The following RC3H1 variants were observed in gnomAD, a reference collection of about 807,000 sequenced individuals.
The protein encoded by RC3H1 is roquin-1.
In RC3H1, 50 loss-of-function variants were observed where a neutral mutation model predicts 138.2. The ratio of observed to expected loss-of-function variants is 0.36; its 90% CI spans 0.29 to 0.46. The LOEUF (loss-of-function observed/expected upper bound fraction) is 0.46, where lower values mean the gene tolerates loss of function less well. Ranked by LOEUF, RC3H1 falls within the 20% of genes least tolerant of loss-of-function variation. The probability of loss-of-function intolerance (pLI) is 1.00; values close to 1 mark genes in which losing one functional copy is unlikely to be tolerated. For synonymous variants in RC3H1, 462 were observed against 489.1 expected, an observed-to-expected ratio of 0.94 and a Z score of 0.73; for missense variants, 1,031 against 1,388.1, an observed-to-expected ratio of 0.74 and a Z score of 4.09.
chr1:173,992,140 A>T (rs1571231947), intron 2 of RC3H1, among the ~76,000 whole-genome samples: 1 of 152,020 alleles, frequency 6.6e-6, no homozygotes, highest in African/African-American at 2.4e-5. Context: ...CTTATGACTT[A>T]CCTCTTAGGT....
intron 13 of RC3H1, among the ~76,000 whole-genome samples, chr1:173,956,332 AAAT>A (rs1165658568): frequency 6.6e-6 from 1 of 152,144 alleles, no homozygotes; most frequent in Non-Finnish European, 1.5e-5. Context: ...TTCCCAAAAT[AAAT>A]AAAAGATAAA....
chr1:174,015,359 T>C (rs1346885606), intron 1 of RC3H1, among the ~76,000 whole-genome samples: 4 of 150,350 alleles, frequency 2.7e-5, no homozygotes, highest in Non-Finnish European at 5.9e-5. Context: ...TCAAAAGTTT[T>C]CCACTACACT....
At chr1:173,970,454 G>A (rs776759177) in intron 9 of RC3H1, 51 bp downstream of exon 9, 21 of 1,179,408 alleles carry the variant, frequency 1.8e-5, no homozygotes, top group East Asian at 9.4e-5. Flanking sequence ...GTATGTCAGC[G>A]AATTATTCCA....
chr1:173,978,510 T>C lies in RC3H1; in HGVS notation c.1080A>G (p.Leu360=). Residue 360 remains leucine, a synonymous_variant, in exon 7 of 20, where the codon TTA becomes TTG. Transcript: ENST00000367696. ...LNRLRPHLEL[L]ANIDPSPDAP... is the part of the protein sequence containing the mutation. ...TACCTGGACTAGGGTCAATGTTTGC[T>C]AACAGCTCCAAATGGGGTCTTAGTC... 2 of 1,614,078 alleles carry C rather than the reference T, an allele frequency of 1.2e-6. No homozygotes were observed. The highest frequency in any genetic ancestry group is 8.5e-7 in the Non-Finnish European group (1 of 1,179,964).
chr1:173,948,564 A>G (rs928919841), intron 14 of RC3H1, among the ~76,000 whole-genome samples: 2 of 152,080 alleles, frequency 1.3e-5, no homozygotes, highest in African/African-American at 4.8e-5. Flanking sequence ...TCTTTCACCT[A>G]TTTGGGAGGT....
intron 9 of RC3H1, among the ~76,000 whole-genome samples, chr1:173,966,443 C>T (rs984604117): frequency 1.3e-5 from 2 of 152,094 alleles, no homozygotes; most frequent in Non-Finnish European, 2.9e-5. Context: ...CGGCTTGGCG[C>T]GGTGGCTCAT....
intron 1 of RC3H1, among the ~76,000 whole-genome samples, chr1:173,998,638 T>C (rs1661506731): frequency 6.6e-6 from 1 of 152,216 alleles, no homozygotes; most frequent in Non-Finnish European, 1.5e-5. Flanking sequence ...GTACAGAATA[T>C]CACATCTGAC....
At chr1:173,978,859 C>T (rs1348255514) in intron 6 of RC3H1, among the ~76,000 whole-genome samples, 1 of 152,116 alleles carries the variant, frequency 6.6e-6, no homozygotes, top group Non-Finnish European at 1.5e-5. Flanking sequence ...AAATGTGAGA[C>T]CTCTCTCAAT....
In RC3H1 at chr1:174,004,715, G is replaced by C. The variant is rs556962619; in HGVS notation, c.-150-11580C>G. ...TGCCTGTAATCCCAGCTACTAGGGA[G>C]GCTGAGGCAGGAGAATTGCTTGAAC... On this transcript the variant is annotated intron_variant, in intron 1 of 19. Transcript: ENST00000367696. Among the ~76,000 whole-genome samples, 76 of 152,126 alleles carry C rather than the reference G, an allele frequency of 5.0e-4. 1 individual carries two copies. In the South Asian group the frequency reaches 0.016, roughly 31 times the overall value.
At chr1:174,017,902 T>C (rs1661891950) in intron 1 of RC3H1, among the ~76,000 whole-genome samples, 2 of 149,562 alleles carry the variant, frequency 1.3e-5, no homozygotes, top group South Asian at 4.2e-4. Context: ...TGCACAGTAA[T>C]AATCAGTGAA....
rs61301994 is a variant in RC3H1, at chr1:173,939,528, CAAAAA to C, written c.3252-662_3252-658del. 5.6e-3 allele frequency among the ~76,000 whole-genome samples: 200 copies of C among 35,942 alleles called. 2 individuals carry two copies. The highest frequency in any genetic ancestry group is 0.021 in the African/African-American group (189 of 8,910). The allele number at this position is 35,942 out of a possible 152,430, so 23.6% of individuals were successfully genotyped here. On this transcript the variant is annotated intron_variant, in intron 19 of 19. Coordinates refer to ENST00000367696, the MANE Select transcript of RC3H1 (RefSeq NM_172071.4). The stretch of plus-strand genomic sequence containing the variant: ...CCTGGGTGACAGAATGAGATTTTAT[CAAAAA>C]AAAAAAAAAAAAAAAAAAAAAAGCC...
chr1:174,021,514 C>T (rs565142810), intron 1 of RC3H1, among the ~76,000 whole-genome samples: 86 of 151,870 alleles, frequency 5.7e-4, no homozygotes, highest in African/African-American at 2.0e-3. Context: ...AAGACACCTG[C>T]ACACACACAA....
chr1:174,015,246 G>T lies in RC3H1; in HGVS notation c.-151+6850C>A, dbSNP rs531039334. 4.8e-5 allele frequency among the ~76,000 whole-genome samples: 7 copies of T among 145,184 alleles called. No homozygotes were observed. The South Asian group carries it at 1.5e-3, about 31-fold the overall frequency. ...TTCATTAATTTTTCTGATAATTATA[G>T]GCCTTTTTTTTTTTTTTGGCCTACT... On this transcript the variant is annotated intron_variant, in intron 1 of 19. Coordinates refer to ENST00000367696, the MANE Select transcript of RC3H1 (RefSeq NM_172071.4).
chr1:173,947,994 C>T (rs1183811885), intron 14 of RC3H1, among the ~76,000 whole-genome samples: 1 of 152,138 alleles, frequency 6.6e-6, no homozygotes, highest in Non-Finnish European at 1.5e-5. Context: ...GCCTCAAGCT[C>T]AGCCTCCCAA....
chr1:174,017,576 G>A (rs1022237367), intron 1 of RC3H1, among the ~76,000 whole-genome samples: 9 of 152,092 alleles, frequency 5.9e-5, no homozygotes, highest in African/African-American at 1.9e-4. Context: ...GGAATACAGA[G>A]TAACTGCTTA....
intron 5 of RC3H1, among the ~76,000 whole-genome samples, chr1:173,981,595 G>T (rs1196864142): frequency 6.6e-6 from 1 of 152,148 alleles, no homozygotes. Flanking sequence ...CTCCATAAAT[G>T]TGGATTATGA....
chr1:173,963,584 G>A (rs986588224), intron 11 of RC3H1, among the ~76,000 whole-genome samples: 1 of 152,110 alleles, frequency 6.6e-6, no homozygotes, highest in Non-Finnish European at 1.5e-5. Flanking sequence ...GAAGAAAAAT[G>A]TACTGTGGGT....
intron 10 of RC3H1, 103 bp downstream of exon 10, chr1:173,964,735 AT>A (rs1418549656): frequency 3.9e-4 from 457 of 1,179,398 alleles, no homozygotes; most frequent in African/African-American, 1.0e-3. Context: ...GCCAAAAAAA[AT>A]AATCAGGGTT....
At chr1:173,990,521 C>CTA (rs1557946540) in intron 2 of RC3H1, among the ~76,000 whole-genome samples, 11 of 151,234 alleles carry the variant, frequency 7.3e-5, no homozygotes, top group African/African-American at 2.7e-4. Context: ...TTATTAAGGG[C>CTA]CTATGTACCA....
Sources: allele counts gnomAD v4.1 joint callset (sites outside exome capture counted in the v4.1 genomes callset), GRCh38; gene constraint gnomAD v4.1.1; transcripts MANE v1.5; gene names NCBI Gene and HGNC (gene_info 2026-07-23, HGNC 2026-07-21).